Variants in PAX1 observed in about 807,000 individuals in gnomAD.
PAX1 encodes paired box 1.
In PAX1, 18 loss-of-function variants were observed where a neutral mutation model predicts 35.6. The observed-to-expected ratio is 0.50, with a 90% CI of 0.35 to 0.75. PAX1 has a LOEUF of 0.75. Ranked by LOEUF, PAX1 falls within the 30% of genes least tolerant of loss-of-function variation. The probability of loss-of-function intolerance (pLI) is 0.01; values close to 1 mark genes in which losing one functional copy is unlikely to be tolerated. For synonymous variants in PAX1, 397 were observed against 305.2 expected, an observed-to-expected ratio of 1.30 and a Z score of -3.14; for missense variants, 760 against 661.5, an observed-to-expected ratio of 1.15 and a Z score of -1.63.
intron 4 of PAX1, among the ~76,000 whole-genome samples, chr20:21,711,413 A>G (rs1049530921): frequency 6.6e-6 from 1 of 152,234 alleles, no homozygotes; most frequent in African/African-American, 2.4e-5. Context: ...TTTTAACATT[A>G]AGCCTCACTG....
intron 4 of PAX1, among the ~76,000 whole-genome samples, chr20:21,713,669 C>T (rs894182985): frequency 6.6e-5 from 10 of 152,154 alleles, no homozygotes; most frequent in African/African-American, 2.4e-4. Flanking sequence ...AACAGGCTTG[C>T]GCAATCGTGG....
intron 4 of PAX1, 113 bp from the exon 5 acceptor site, chr20:21,714,358 C>A: frequency 2.7e-6 from 2 of 735,530 alleles, no homozygotes; most frequent in Non-Finnish European, 2.2e-6. Context: ...TCTTCCAGAG[C>A]CTTCAAGGGT....
Position 21,709,284 on chromosome 20 carries a change from C to T in PAX1, c.1122C>T (p.Asn374=). 1.2e-6 allele frequency: 2 copies of T among 1,605,402 alleles called. No individual in the cohort carries two copies. Among genetic ancestry groups the T allele is most frequent in the Non-Finnish European group, 1.7e-6 (2 of 1,179,680 alleles). Residue 374 remains asparagine (N), a synonymous_variant, in exon 4 of 5, where the codon AAC becomes AAT. Coordinates refer to ENST00000613128, the MANE Select transcript of PAX1 (RefSeq NM_001257096.2). ...FLPACAYPAS[N]QHGVYSAPGG... is the part of the protein sequence containing the mutation. ...CCGCCTGCGCCTACCCGGCCTCCAACCAGCACGGCGTGTACAGCGCCCCGG... is the reference window on the plus strand; with the variant it reads ...CCGCCTGCGCCTACCCGGCCTCCAATCAGCACGGCGTGTACAGCGCCCCGG...
At position 21,706,667 on chromosome 20, in the gene PAX1, C is replaced by T. The variant is rs17861030; in HGVS notation, c.516C>T (p.Val172=). ...PGAIGGSKPR[V]TTPNVVKHIR... is the part of the protein sequence containing the mutation. ...CCATCGGGGGGAGCAAGCCCCGCGTCACCACTCCCAACGTGGTCAAGCACA... is the reference window on the plus strand; with the variant it reads ...CCATCGGGGGGAGCAAGCCCCGCGTTACCACTCCCAACGTGGTCAAGCACA... Residue 172 remains valine (V), a synonymous_variant, in exon 2 of 5, where the codon GTC becomes GTT. Transcript: ENST00000613128. The surrounding 1 kb of genome is among the most constrained non-coding windows in gnomAD (Gnocchi z 5.3). 1.5e-3 allele frequency: 2,422 copies of T among 1,612,722 alleles called. 4 individuals carry two copies. The highest frequency in any genetic ancestry group is 1.8e-3 in the Non-Finnish European group (2,161 of 1,180,024).
intron 4 of PAX1, among the ~76,000 whole-genome samples, chr20:21,710,830 T>A (rs1042466491): frequency 2.0e-5 from 3 of 152,232 alleles, no homozygotes; most frequent in African/African-American, 7.2e-5. Flanking sequence ...ACTTGCCTAG[T>A]TACAGACAAA....
Position 21,706,662 on chromosome 20 carries a change from C to G in PAX1, c.511C>G (p.Arg171Gly). The change falls in exon 2 of 5, where the codon CGC becomes GGC. Residue 171 changes from arginine to glycine, a missense_variant. Physicochemically the swap from Arg to Gly is moderately radical, Grantham distance 125. Coordinates refer to ENST00000613128, the MANE Select transcript of PAX1 (RefSeq NM_001257096.2). This position sits in a 1 kb window ranked among gnomAD's most constrained non-coding sequence, Gnocchi z 5.3. ...LPGAIGGSKP[R>G]VTTPNVVKHI... ...CGGGGCCATCGGGGGGAGCAAGCCC[C>G]GCGTCACCACTCCCAACGTGGTCAA... is the stretch of plus-strand genomic sequence containing the variant. 2 of 1,612,504 alleles carry G rather than the reference C, an allele frequency of 1.2e-6. No homozygotes were observed. The highest frequency in any genetic ancestry group is 1.7e-6 in the Non-Finnish European group (2 of 1,180,026).
Position 21,714,477 on chromosome 20 carries a change from A to G in PAX1, c.1289A>G (p.Asp430Gly). ...TCTGTGCTTCCTCCCGCAGTGGCTG[A>G]CAGGAAGCCTCCCAGCTCCGGCAGC... The part of the protein sequence containing the change: ...TFKHPSREVA[D>G]RKPPSSGSKA... Residue 430 changes from aspartate to glycine, a missense_variant, in exon 5 of 5, where the codon GAC becomes GGC. Physicochemically the swap from Asp to Gly is moderately conservative, Grantham distance 94 (BLOSUM62 -1). Around this residue, in one of 3 missense-constraint regions of PAX1, gnomAD observed 490 missense variants for 428.4 expected, o/e 1.14. Coordinates refer to ENST00000613128, the MANE Select transcript of PAX1 (RefSeq NM_001257096.2). 6.3e-7 allele frequency: 1 copy of G among 1,577,770 alleles called. No individual in the cohort carries two copies.
intron 2 of PAX1, chr20:21,708,230 A>G (rs1445874240): frequency 2.0e-6 from 1 of 497,222 alleles, no homozygotes; most frequent in Non-Finnish European, 3.7e-6. Flanking sequence ...TGTAGCTTTG[A>G]ACTCGGAAGT....
chr20:21,708,386 A>G, intron 2 of PAX1, 172 bp from the exon 3 acceptor site: 2 of 810,466 alleles, frequency 2.5e-6, no homozygotes, highest in East Asian at 4.9e-5. Context: ...CCTCCGCCCC[A>G]CCCGGAGTGG....
In PAX1 at chr20:21,716,581, T is replaced by A. The variant is rs1985380250; in HGVS notation, c.*2019T>A. 6.6e-6 allele frequency: 1 copy of A among 151,946 alleles called. No homozygotes were observed. The highest frequency in any genetic ancestry group is 2.4e-5 in the African/African-American group (1 of 41,334). 9.4% of individuals were successfully genotyped at this position (151,946 alleles called of 1,614,324 possible). On this transcript the variant is annotated 3_prime_UTR_variant, in exon 5 of 5. Transcript: ENST00000613128. ...TGGCTAGGGATTTGATTTATTTTCT[T>A]TAGACCACATAGCAAGGTATGAATT...
Position 21,705,691 on chromosome 20 carries a change from C to A in PAX1, c.-22C>A. ...TTCCCGCACGCTGCAGCCTCCCGGT[C>A]AGACGAATTTCTCCCAATCGGATGA... On this transcript the variant is annotated 5_prime_UTR_variant, in exon 1 of 5. Coordinates refer to ENST00000613128, the MANE Select transcript of PAX1 (RefSeq NM_001257096.2). 1 of 1,238,224 alleles carries A rather than the reference C, an allele frequency of 8.1e-7. No individual in the cohort carries two copies. Among genetic ancestry groups the A allele is most frequent in the South Asian group, 4.1e-5 (1 of 24,268 alleles). 76.7% of individuals were successfully genotyped at this position (1,238,224 alleles called of 1,614,324 possible).
chr20:21,714,200 C>T (rs552384642), intron 4 of PAX1, among the ~76,000 whole-genome samples: 2 of 152,194 alleles, frequency 1.3e-5, no homozygotes, highest in East Asian at 1.9e-4. Context: ...GGGAATTGCA[C>T]CTGGCCAGCG....
rs926504962 is a variant in PAX1, at chr20:21,716,783, C to G, written c.*2221C>G. 1 of 152,200 alleles carries G rather than the reference C, an allele frequency of 6.6e-6. No individual in the cohort carries two copies. Among genetic ancestry groups the G allele is most frequent in the Non-Finnish European group, 1.5e-5 (1 of 68,060 alleles). 9.4% of individuals were successfully genotyped at this position (152,200 alleles called of 1,614,324 possible). Reference sequence around the variant, plus strand: ...GAAGCATGTTCCCAAGTCCCCCATCCTCTCAGCCTGTCTCCTTGTGCTTAG... The same window carrying G: ...GAAGCATGTTCCCAAGTCCCCCATCGTCTCAGCCTGTCTCCTTGTGCTTAG... On this transcript the variant is annotated 3_prime_UTR_variant, in exon 5 of 5. Coordinates refer to ENST00000613128, the MANE Select transcript of PAX1 (RefSeq NM_001257096.2).
chr20:21,713,382 T>TTG (rs1026316842), intron 4 of PAX1, among the ~76,000 whole-genome samples: 12,557 of 146,162 alleles, frequency 0.086, 562 homozygotes, highest in Middle Eastern at 0.13. Flanking sequence ...TCTTTTTTTT[T>TTG]TGTGTGTGTG....
chr20:21,706,773 A>G lies in PAX1; in HGVS notation c.622A>G (p.Lys208Glu), dbSNP rs1985018198. ...DRLLADGVCD[K>E]YNVPSVSSIS... ...GCTGCTGGCCGACGGCGTCTGTGAC[A>G]AGTACAATGTGCCTTCGGTGAGCTC... Residue 208 changes from lysine (K) to glutamate (E), a missense_variant, in exon 2 of 5, where the codon AAG (lysine) becomes GAG (glutamate). Lys to Glu is a moderately conservative substitution (Grantham distance 56). This residue lies in a region of PAX1 where 490 missense variants were observed against 428.4 expected (regional missense o/e 1.14). Transcript: ENST00000613128. The surrounding 1 kb of genome is among the most constrained non-coding windows in gnomAD (Gnocchi z 5.3). 2 of 1,613,358 alleles carry G rather than the reference A, an allele frequency of 1.2e-6. No homozygotes were observed. The highest frequency in any genetic ancestry group is 1.7e-6 in the Non-Finnish European group (2 of 1,180,042).
At chr20:21,708,247 G>T (rs1355574774) in intron 2 of PAX1, 1 of 525,076 alleles carries the variant, frequency 1.9e-6, no homozygotes, top group Admixed American at 3.2e-5. Context: ...AAGTTTCTGG[G>T]AGCCGTGTCT....
At position 21,717,633 on chromosome 20, in the gene PAX1, A is replaced by T. The variant is rs1234711413; in HGVS notation, c.*3071A>T. The T allele has an allele frequency of 1.3e-5, 2 of 152,210 alleles. No individual in the cohort carries two copies. The highest frequency in any genetic ancestry group is 2.9e-5 in the Non-Finnish European group (2 of 68,032). 9.4% of individuals were successfully genotyped at this position (152,210 alleles called of 1,614,324 possible). ...TATGCAGCACCACGTCAGGTAGAAT[A>T]ATTTGAGAAACAATCACTCCCTAAA... On this transcript the variant is annotated 3_prime_UTR_variant, in exon 5 of 5. Coordinates refer to ENST00000613128, the MANE Select transcript of PAX1 (RefSeq NM_001257096.2).
rs1355699046 is a variant in PAX1 at position 21,714,687 on chromosome 20, G to C, written c.*125G>C. The C allele has an allele frequency of 1.2e-6, 2 of 1,605,856 alleles. No homozygotes were observed. The highest frequency in any genetic ancestry group is 1.7e-6 in the Non-Finnish European group (2 of 1,179,232). On this transcript the variant is annotated 3_prime_UTR_variant, in exon 5 of 5. Transcript: ENST00000613128. ...AGGACTCGCGGAGGAGGAAGCCAGT[G>C]CCGGCCCGCGGGGTGCACGCCCAGC...
chr20:21,706,784 G>A lies in PAX1; in HGVS notation c.633G>A (p.Val211=), dbSNP rs747537022. ...ACGGCGTCTGTGACAAGTACAATGT[G>A]CCTTCGGTGAGCTCCATCAGCCGCA... ...LADGVCDKYN[V]PSVSSISRIL... The change falls in exon 2 of 5, where the codon GTG becomes GTA. Residue 211 remains valine, a synonymous_variant. Coordinates refer to ENST00000613128, the MANE Select transcript of PAX1 (RefSeq NM_001257096.2). This position sits in a 1 kb window ranked among gnomAD's most constrained non-coding sequence, Gnocchi z 5.3. The A allele has an allele frequency of 1.2e-6, 2 of 1,613,388 alleles. No individual in the cohort carries two copies. Among genetic ancestry groups the A allele is most frequent in the South Asian group, 1.1e-5 (1 of 91,094 alleles).
Sources: gnomAD v4.1 joint callset for allele counts (sites outside exome capture counted in the v4.1 genomes callset) on GRCh38, gnomAD v4.1.1 for gene constraint, gnomAD v4.1.1 regional missense constraint, Gnocchi (gnomAD v3.1) non-coding constraint, MANE v1.5 for transcripts, NCBI Gene and HGNC (gene_info 2026-07-23, HGNC 2026-07-21) for gene names.